Variants in KCNK18 observed in about 807,000 individuals in gnomAD.
KCNK18 encodes the protein potassium two pore domain channel subfamily K member 18.
A neutral mutation model predicts 11.8 loss-of-function variants in KCNK18; 8 were observed. The observed-to-expected ratio is 0.68, with a 90% CI of 0.40 to 1.22. KCNK18 has a LOEUF of 1.22. Among genes scored for constraint, KCNK18 ranks in the 50% most tolerant of loss-of-function variants. The probability of loss-of-function intolerance (pLI) is 0.01; values close to 1 mark genes in which losing one functional copy is unlikely to be tolerated. For synonymous variants in KCNK18, 208 were observed against 185.8 expected (o/e 1.12, Z -0.97); for missense variants, 442 against 465.4 (o/e 0.95, Z 0.46).
At chr10:117,205,592 G>C (rs989321606) in intron 2 of KCNK18, among the ~76,000 whole-genome samples, 1 of 152,284 alleles carries the variant, frequency 6.6e-6, no homozygotes, top group African/African-American at 2.4e-5. Context: ...GTCCTGCTGA[G>C]ATTTCTGCCA....
intron 1 of KCNK18, among the ~76,000 whole-genome samples, 197 bp from the exon 2 acceptor site, chr10:117,200,962 C>CCATAGGGA (rs1053424845): frequency 5.3e-5 from 8 of 152,202 alleles, no homozygotes; most frequent in Non-Finnish European, 7.3e-5. Context: ...CTCCTTATCT[C>CCATAGGGA]CATAGGGACT....
At chr10:117,209,237 C>A (rs1413272556) in intron 2 of KCNK18, among the ~76,000 whole-genome samples, 5 of 152,148 alleles carry the variant, frequency 3.3e-5, no homozygotes, top group African/African-American at 1.2e-4. Flanking sequence ...GTGCTGGTCC[C>A]CTGCCAAGGA....
intron 2 of KCNK18, among the ~76,000 whole-genome samples, chr10:117,208,946 G>A (rs926877066): frequency 6.6e-6 from 1 of 151,986 alleles, no homozygotes; most frequent in African/African-American, 2.4e-5. Flanking sequence ...TCACTATATT[G>A]GCCAGGCTGG....
chr10:117,198,027 C>T (rs960889955), intron 1 of KCNK18, among the ~76,000 whole-genome samples: 2 of 152,038 alleles, frequency 1.3e-5, no homozygotes, highest in Admixed American at 6.5e-5. Context: ...CCTCAGGGGA[C>T]GATGGATTAC....
At position 117,199,871 on chromosome 10, in the gene KCNK18, G is replaced by A. The variant is rs191607205; in HGVS notation, c.224-1288G>A. Among the ~76,000 whole-genome samples the A allele has an allele frequency of 5.4e-4, 83 of 152,318 alleles. No homozygotes were observed. In the Middle Eastern group the frequency reaches 0.031, roughly 56 times the overall value. On this transcript the variant is annotated intron_variant, in intron 1 of 2. Transcript: ENST00000334549. The stretch of plus-strand genomic sequence containing the variant: ...TAAAGCCGAACAAGTCTAGCAGGTG[G>A]CCTCTGGGTCCCAAAGCCCACTGGC...
At chr10:117,207,009 G>A (rs933355007) in intron 2 of KCNK18, among the ~76,000 whole-genome samples, 2 of 152,038 alleles carry the variant, frequency 1.3e-5, no homozygotes, top group Admixed American at 6.6e-5. Flanking sequence ...TCTTTCCTGG[G>A]CCCAAATCCA....
At chr10:117,208,893 A>G (rs1425330073) in intron 2 of KCNK18, among the ~76,000 whole-genome samples, 1 of 151,984 alleles carries the variant, frequency 6.6e-6, no homozygotes, top group African/African-American at 2.4e-5. Context: ...GGCGCCCTAC[A>G]CCATGCCCAG....
At position 117,210,231 on chromosome 10, in the gene KCNK18, A is replaced by C. The variant is rs764416904; in HGVS notation, c.1087A>C (p.Ile363Leu). The C allele has an allele frequency of 1.9e-5, 30 of 1,614,074 alleles. No individual in the cohort carries two copies. Among genetic ancestry groups the C allele is most frequent in the Non-Finnish European group, 2.5e-5 (29 of 1,180,034 alleles). Residue 363 changes from isoleucine to leucine, a missense_variant, in exon 3 of 3, where the codon ATT (isoleucine) becomes CTT (leucine). Transcript: ENST00000334549. Reference protein sequence around the residue: ...IAFKLVQNRLIDIYKNVMLFF... With the variant: ...IAFKLVQNRLLDIYKNVMLFF... ...TTTCAAGTTGGTGCAAAACAGGCTGATTGACATATACAAAAATGTTATGCT... is the reference window on the plus strand; with the variant it reads ...TTTCAAGTTGGTGCAAAACAGGCTGCTTGACATATACAAAAATGTTATGCT...
intron 2 of KCNK18, among the ~76,000 whole-genome samples, chr10:117,208,663 A>G (rs1272749447): frequency 1.3e-5 from 2 of 151,914 alleles, no homozygotes; most frequent in African/African-American, 4.8e-5. Flanking sequence ...CACTGTGCAC[A>G]CTGCTGAGCA....
rs745940715 is a variant in KCNK18 at position 117,210,145 on chromosome 10, C to T, written c.1001C>T (p.Pro334Leu). The T allele has an allele frequency of 6.2e-7, 1 of 1,614,080 alleles. No homozygotes were observed. ...IGFGDTVLEH[P>L]NFFLFFSIYI... The stretch of plus-strand genomic sequence containing the variant: ...TTTGGGGATACTGTTTTAGAACACC[C>T]TAACTTCTTCCTGTTCTTCTCCATT... The change falls in exon 3 of 3, where the codon CCT becomes CTT. Residue 334 changes from proline to leucine, a missense_variant. Pro to Leu is a moderately conservative substitution (Grantham distance 98). Coordinates refer to ENST00000334549, the MANE Select transcript of KCNK18 (RefSeq NM_181840.1).
intron 2 of KCNK18, among the ~76,000 whole-genome samples, chr10:117,203,345 T>C (rs1053436331): frequency 1.3e-5 from 2 of 152,104 alleles, no homozygotes; most frequent in Non-Finnish European, 2.9e-5. Flanking sequence ...GACTATCCCA[T>C]TCCACAGGCT....
In KCNK18 at chr10:117,209,554, C is replaced by G. The variant is rs1272660822; in HGVS notation, c.410C>G (p.Ala137Gly). ...RLGKYLCMLY[A>G]LFGIPLMFLV... ...GGCAAGTACTTGTGCATGCTCTATG[C>G]TCTCTTTGGTATCCCCCTGATGTTC... Residue 137 changes from alanine (A) to glycine (G), a missense_variant, in exon 3 of 3, where the codon GCT becomes GGT. Physicochemically the swap from Ala to Gly is moderately conservative, Grantham distance 60. Transcript: ENST00000334549. 6.2e-7 allele frequency: 1 copy of G among 1,612,446 alleles called. No individual in the cohort carries two copies. Among genetic ancestry groups the G allele is most frequent in the Non-Finnish European group, 8.5e-7 (1 of 1,178,592 alleles).
intron 2 of KCNK18, among the ~76,000 whole-genome samples, chr10:117,208,886 G>A (rs114180223): frequency 0.028 from 4,289 of 151,988 alleles, 183 homozygotes; most frequent in African/African-American, 0.093. Flanking sequence ...GACTACAGGC[G>A]CCCTACACCA....
rs1564988725 is a variant in KCNK18 at position 117,197,551 on chromosome 10, C to T, written c.63C>T (p.Phe21=). The change falls in exon 1 of 3, where the codon TTC becomes TTT. Residue 21 remains phenylalanine (F), a synonymous_variant. Transcript: ENST00000334549. ...RCCPEALGKL[F]PGLCFLCFLV... ...GCCCAGAGGCCCTGGGAAAGCTCTT[C>T]CCTGGCCTCTGCTTCCTCTGCTTTC... 3 of 1,614,118 alleles carry T rather than the reference C, an allele frequency of 1.9e-6. No homozygotes were observed. The highest frequency in any genetic ancestry group is 2.2e-5 in the East Asian group (1 of 44,888).
In KCNK18 at chr10:117,202,885, G is replaced by GTTTTTTTT. The variant is rs750157980; in HGVS notation, c.352+1598_352+1599insTTTTTTTT. 5.9e-3 allele frequency among the ~76,000 whole-genome samples: 656 copies of GTTTTTTTT among 111,136 alleles called. 107 individuals are homozygous for GTTTTTTTT. The highest frequency in any genetic ancestry group is 6.9e-3 in the Non-Finnish European group (397 of 57,190). The allele number at this position is 111,136 out of a possible 152,430, so 72.9% of individuals were successfully genotyped here. A position where few individuals can be genotyped will look rare whatever the true frequency, so the allele number is the denominator to read the frequency against. On this transcript the variant is annotated intron_variant, in intron 2 of 2. Transcript: ENST00000334549. ...CGTGGTTTCTCCCATTTGCCTGAATGCTTTTTTTTTTTTTTTTTTTTTTGA... is the reference window on the plus strand; with the variant it reads ...CGTGGTTTCTCCCATTTGCCTGAATGTTTTTTTTCTTTTTTTTTTTTTTTTTTTTTTGA...
At chr10:117,202,886 C>CTTTT (rs201850637) in intron 2 of KCNK18, among the ~76,000 whole-genome samples, 9 of 123,000 alleles carry the variant, frequency 7.3e-5, no homozygotes, top group African/African-American at 2.0e-4. Flanking sequence ...TGCCTGAATG[C>CTTTT]TTTTTTTTTT....
chr10:117,198,029 A>G (rs1255352907), intron 1 of KCNK18, among the ~76,000 whole-genome samples: 1 of 152,042 alleles, frequency 6.6e-6, no homozygotes, highest in Non-Finnish European at 1.5e-5. Context: ...TCAGGGGACG[A>G]TGGATTACTG....
At position 117,210,059 on chromosome 10, in the gene KCNK18, G is replaced by A. The variant is rs770948780; in HGVS notation, c.915G>A (p.Glu305=). ...CAGCTGCCATCCTCCCCTTCTGGGA[G>A]ACACAGTTGGATTTCGAGAATGCCT... ...SCAAAILPFW[E]TQLDFENAFY... Residue 305 remains glutamate (E), a synonymous_variant, in exon 3 of 3, where the codon GAG becomes GAA. Transcript: ENST00000334549. The A allele has an allele frequency of 6.2e-7, 1 of 1,614,184 alleles. No homozygotes were observed. Among genetic ancestry groups the A allele is most frequent in the Non-Finnish European group, 8.5e-7 (1 of 1,180,040 alleles).
At chr10:117,204,767 C>A (rs959771831) in intron 2 of KCNK18, among the ~76,000 whole-genome samples, 1 of 152,192 alleles carries the variant, frequency 6.6e-6, no homozygotes, top group African/African-American at 2.4e-5. Flanking sequence ...ACCTGCAGAG[C>A]TTTTGCAAGC....
Sources: gnomAD v4.1 joint callset for allele counts (sites outside exome capture counted in the v4.1 genomes callset) on GRCh38, gnomAD v4.1.1 for gene constraint, MANE v1.5 for transcripts, NCBI Gene and HGNC (gene_info 2026-07-23, HGNC 2026-07-21) for gene names.